Variants in FUT9 observed in about 807,000 individuals in gnomAD.
FUT9 encodes fucosyltransferase 9.
FUT9 carries 15 observed loss-of-function variants against 29.7 expected under a neutral mutation model. The observed-to-expected ratio is 0.51, with a 90% confidence interval of 0.34 to 0.78. FUT9 has a LOEUF of 0.78. FUT9 is among the 30% of genes least tolerant of loss of function. FUT9 has a pLI of 0.01. For missense variants in FUT9, 319 were observed against 425.4 expected (o/e 0.75, Z 2.20); for synonymous variants, 169 against 153.7 (o/e 1.10, Z -0.74).
chr6:96,157,535 G>T (rs1349802514), intron 2 of FUT9, among the ~76,000 whole-genome samples: 1 of 152,100 alleles, frequency 6.6e-6, no homozygotes, highest in Non-Finnish European at 1.5e-5. Flanking sequence ...TTCCAGTTTA[G>T]AATTTATTCT....
chr6:96,161,845 A>C (rs77226210), intron 2 of FUT9, among the ~76,000 whole-genome samples: 67 of 152,358 alleles, frequency 4.4e-4, no homozygotes, highest in African/African-American at 1.6e-3. Flanking sequence ...AAAAAGTGAT[A>C]ATCACCATTC....
intron 2 of FUT9, among the ~76,000 whole-genome samples, chr6:96,138,320 G>T (rs1225414489): frequency 6.6e-6 from 1 of 151,960 alleles, no homozygotes; most frequent in East Asian, 1.9e-4. Context: ...ATTTTTGCTT[G>T]GTTTTTATTG....
At chr6:96,189,632 G>C (rs960923756) in intron 2 of FUT9, among the ~76,000 whole-genome samples, 3 of 152,092 alleles carry the variant, frequency 2.0e-5, no homozygotes, top group African/African-American at 7.2e-5. Context: ...AGCTCTTCTT[G>C]TTGAATTGAT....
intron 1 of FUT9, among the ~76,000 whole-genome samples, chr6:96,077,919 C>T (rs1771165815): frequency 6.6e-6 from 1 of 152,166 alleles, no homozygotes; most frequent in Non-Finnish European, 1.5e-5. Flanking sequence ...CCATTATTTG[C>T]TCTTTATCCC....
At chr6:96,096,517 G>A (rs1365422527) in intron 1 of FUT9, among the ~76,000 whole-genome samples, 1 of 151,968 alleles carries the variant, frequency 6.6e-6, no homozygotes, top group Non-Finnish European at 1.5e-5. Context: ...TACCTAATCT[G>A]TCCCATCACT....
intron 2 of FUT9, among the ~76,000 whole-genome samples, chr6:96,149,289 T>C (rs540025357): frequency 1.3e-5 from 2 of 152,046 alleles, no homozygotes; most frequent in East Asian, 3.9e-4. Context: ...TTTTTTTAAA[T>C]GAAGAACATG....
rs951596422 is a variant in FUT9 at position 96,214,213 on chromosome 6, A to G, written c.*9978A>G. On this transcript the variant is annotated 3_prime_UTR_variant, in exon 3 of 3. Coordinates refer to ENST00000302103, the MANE Select transcript of FUT9 (RefSeq NM_006581.4). ...ACTGTATAACAACTTAATAGTACAA[A>G]GCATGAAGATGTGAAAATATCATCT... 1.0e-4 allele frequency: 17 copies of G among 166,862 alleles called. No individual in the cohort carries two copies. Among genetic ancestry groups the G allele is most frequent in the African/African-American group, 3.9e-4 (16 of 41,464 alleles). 10.3% of individuals were successfully genotyped at this position (166,862 alleles called of 1,614,324 possible).
chr6:96,070,742 T>A (rs1453328190), intron 1 of FUT9, among the ~76,000 whole-genome samples: 1 of 152,196 alleles, frequency 6.6e-6, no homozygotes, highest in Non-Finnish European at 1.5e-5. Context: ...AAAATCATTA[T>A]TATAAAATTT....
chr6:96,173,775 A>AT (rs11438567), intron 2 of FUT9, among the ~76,000 whole-genome samples: 137,457 of 151,664 alleles, frequency 0.91, 63,589 homozygotes, highest in East Asian at 0.99. Flanking sequence ...AATCACACAA[A>AT]TTTTTTTTCT....
chr6:96,075,671 C>T (rs1161342733), intron 1 of FUT9, among the ~76,000 whole-genome samples: 1 of 152,044 alleles, frequency 6.6e-6, no homozygotes, highest in Non-Finnish European at 1.5e-5. Flanking sequence ...GAAATTAGTA[C>T]ACATTTTAAA....
At chr6:96,030,461 A>C (rs1192996856) in intron 1 of FUT9, among the ~76,000 whole-genome samples, 1 of 151,592 alleles carries the variant, frequency 6.6e-6, no homozygotes, top group East Asian at 1.9e-4. Flanking sequence ...ACAAACAAAC[A>C]AAATCATGAC....
intron 2 of FUT9, among the ~76,000 whole-genome samples, chr6:96,195,455 T>C (rs1316265678): frequency 6.6e-6 from 1 of 152,108 alleles, no homozygotes; most frequent in African/African-American, 2.4e-5. Context: ...ATTCCGGAGA[T>C]CAACCAGTGT....
intron 2 of FUT9, among the ~76,000 whole-genome samples, chr6:96,145,292 G>A (rs199914079): frequency 8.6e-5 from 13 of 151,986 alleles, no homozygotes; most frequent in Non-Finnish European, 1.8e-4. Flanking sequence ...TCTCCTGACC[G>A]TGATCCGCCC....
At chr6:96,020,114 A>G (rs1484141615) in intron 1 of FUT9, among the ~76,000 whole-genome samples, 1 of 152,064 alleles carries the variant, frequency 6.6e-6, no homozygotes, top group African/African-American at 2.4e-5. Context: ...ATTCACTCCC[A>G]CCTTCAGGTT....
At position 96,030,609 on chromosome 6, in the gene FUT9, G is replaced by A. The variant is rs1770245219; in HGVS notation, c.-98+14397G>A. Among the ~76,000 whole-genome samples the A allele has an allele frequency of 2.0e-5, 3 of 151,346 alleles. No individual in the cohort carries two copies. The Admixed American group carries it at 2.0e-4, about 10-fold the overall frequency. On this transcript the variant is annotated intron_variant, in intron 1 of 2. Transcript: ENST00000302103. ...AAAAATACAAATATCATATGACCCA[G>A]CAATACAATTTCTAGGTATTTACTC...
chr6:96,071,366 G>A (rs1317240405), intron 1 of FUT9, among the ~76,000 whole-genome samples: 3 of 152,152 alleles, frequency 2.0e-5, no homozygotes, highest in South Asian at 4.1e-4. Flanking sequence ...GTTCTGGGAG[G>A]TAGTTATTAT....
At chr6:96,199,870 A>G (rs187089261) in intron 2 of FUT9, among the ~76,000 whole-genome samples, 1 of 152,142 alleles carries the variant, frequency 6.6e-6, no homozygotes, top group Non-Finnish European at 1.5e-5. Context: ...TTAAGCATCT[A>G]CTACATTCTG....
At chr6:96,203,113 C>T (rs369223633) in intron 2 of FUT9, 35 bp from the exon 3 acceptor site, 77 of 1,495,510 alleles carry the variant, frequency 5.1e-5, no homozygotes, top group Non-Finnish European at 6.0e-5. Flanking sequence ...TCATTCCCAC[C>T]GCTACCTCCC....
chr6:96,068,837 C>A lies in FUT9; in HGVS notation c.-97-45202C>A, dbSNP rs189849086. On this transcript the variant is annotated intron_variant, in intron 1 of 2. Transcript: ENST00000302103. Reference sequence around the variant, plus strand: ...TTTGTCCATGGGCTGAGGAAAGAAGCTACCCATATATGGAGAACCTAAGAA... The same window carrying A: ...TTTGTCCATGGGCTGAGGAAAGAAGATACCCATATATGGAGAACCTAAGAA... 3.1e-3 allele frequency among the ~76,000 whole-genome samples: 466 copies of A among 152,106 alleles called. 4 individuals carry two copies. The highest frequency in any genetic ancestry group is 0.011 in the African/African-American group (453 of 41,476).
Sources: allele counts gnomAD v4.1 joint callset (sites outside exome capture counted in the v4.1 genomes callset), GRCh38; gene constraint gnomAD v4.1.1; transcripts MANE v1.5; gene names NCBI Gene and HGNC (gene_info 2026-07-23, HGNC 2026-07-21).